The following NAALADL2 variants were observed in gnomAD, a reference collection of about 807,000 sequenced individuals.
NAALADL2 encodes inactive N-acetylated-alpha-linked acidic dipeptidase-like protein 2.
NAALADL2 carries 76 observed loss-of-function variants against 87.2 expected under a neutral mutation model. The observed-to-expected ratio is 0.87, with a 90% CI of 0.72 to 1.05. NAALADL2 has a LOEUF of 1.05. NAALADL2 is among the 50% of genes least tolerant of loss of function. NAALADL2 has a pLI of 0.00. For synonymous variants in NAALADL2, 354 were observed against 331.0 expected, an observed-to-expected ratio of 1.07 and a Z score of -0.75; for missense variants, 1,089 against 945.8, an observed-to-expected ratio of 1.15 and a Z score of -1.99.
chr3:175,174,396 C>A (rs1355313930), intron 2 of NAALADL2, among the ~76,000 whole-genome samples: 1 of 152,020 alleles, frequency 6.6e-6, no homozygotes, highest in Non-Finnish European at 1.5e-5. Context: ...TATGTATTTG[C>A]AGCATTTTCA....
chr3:175,360,679 A>T (rs1329056760), intron 5 of NAALADL2, among the ~76,000 whole-genome samples: 1 of 151,920 alleles, frequency 6.6e-6, no homozygotes, highest in Non-Finnish European at 1.5e-5. Context: ...AAGGTTTTTT[A>T]GTTTGCAGTG....
chr3:175,062,687 T>G (rs1245468787), intron 1 of NAALADL2, among the ~76,000 whole-genome samples: 1 of 152,174 alleles, frequency 6.6e-6, no homozygotes, highest in Non-Finnish European at 1.5e-5. Context: ...TTCATTTGAT[T>G]TTATAAACTT....
chr3:175,632,816 A>G (rs996606962), intron 11 of NAALADL2, among the ~76,000 whole-genome samples: 5 of 152,122 alleles, frequency 3.3e-5, no homozygotes, highest in Non-Finnish European at 7.4e-5. Context: ...GTTGTAGTTC[A>G]GAAAGAAGTA....
intron 2 of NAALADL2, among the ~76,000 whole-genome samples, chr3:174,643,520 G>T (rs759988689): frequency 1.3e-5 from 2 of 151,982 alleles, no homozygotes; most frequent in African/African-American, 4.8e-5. Context: ...TGGGTGTGGT[G>T]GTGGGCGCCT....
At chr3:174,708,258 G>C (rs935478052) in intron 2 of NAALADL2, among the ~76,000 whole-genome samples, 11 of 152,094 alleles carry the variant, frequency 7.2e-5, no homozygotes, top group Non-Finnish European at 8.8e-5. Flanking sequence ...TGGGCATTTA[G>C]CTCATTTTAG....
intron 2 of NAALADL2, among the ~76,000 whole-genome samples, chr3:175,200,354 T>C (rs1739840604): frequency 6.6e-6 from 1 of 152,136 alleles, no homozygotes; most frequent in Non-Finnish European, 1.5e-5. Context: ...GTTAACTAAT[T>C]TCTCTCTCTC....
At position 174,821,426 on chromosome 3, in the gene NAALADL2, A is replaced by G. The variant is rs762681104; in HGVS notation, c.-9+83680A>G. On this transcript the variant is annotated intron_variant, in intron 3 of 3. Transcript: ENST00000434257. ...TGCTATTGTATTTATTAGCATTTAA[A>G]CAGAAACACTTGCTCCCTTCTTTAA... is the stretch of plus-strand genomic sequence containing the variant. Among the ~76,000 whole-genome samples the G allele has an allele frequency of 2.0e-5, 3 of 152,202 alleles. 1 individual carries two copies. Among genetic ancestry groups the G allele is most frequent in the Non-Finnish European group, 2.9e-5 (2 of 68,030 alleles).
chr3:174,749,828 T>C (rs1215466330), intron 3 of NAALADL2, among the ~76,000 whole-genome samples: 1 of 152,206 alleles, frequency 6.6e-6, no homozygotes, highest in African/African-American at 2.4e-5. Context: ...GCTTAAAATA[T>C]ATTTTCTGTC....
Position 175,803,098 on chromosome 3 carries a change from C to A in NAALADL2, c.2283C>A (p.Thr761=), listed in dbSNP as rs752665150. The A allele has an allele frequency of 4.1e-5, 66 of 1,612,252 alleles. No homozygotes were observed. Among genetic ancestry groups the A allele is most frequent in the Non-Finnish European group, 5.1e-5 (60 of 1,178,930 alleles). Residue 761 remains threonine, a synonymous_variant, in exon 14 of 14, where the codon ACC becomes ACA. Coordinates refer to ENST00000454872, the MANE Select transcript of NAALADL2 (RefSeq NM_207015.3). ...EHCKPLASNE[T]LQEALSEVLN... is the part of the protein sequence containing the mutation. ...GCAAACCCCTTGCATCAAATGAGAC[C>A]CTTCAAGAAGCCCTGTCAGAGGTGT...
At position 175,481,516 on chromosome 3, in the gene NAALADL2, G is replaced by A. The variant is rs1001034947; in HGVS notation, c.1653+9758G>A. Among the ~76,000 whole-genome samples the A allele has an allele frequency of 5.3e-5, 8 of 151,674 alleles. No homozygotes were observed. In the East Asian group the frequency reaches 5.8e-4, roughly 11 times the overall value. ...TTCACTCGTGCTGGTGTAAAATGGC[G>A]CCATCCCTTGAAAAAATGGTTTGAC... On this transcript the variant is annotated intron_variant, in intron 9 of 13. Coordinates refer to ENST00000454872, the MANE Select transcript of NAALADL2 (RefSeq NM_207015.3).
chr3:174,615,609 A>G (rs571572), intron 2 of NAALADL2, among the ~76,000 whole-genome samples: 29,378 of 151,938 alleles, frequency 0.19, 3,645 homozygotes, highest in African/African-American at 0.35. Context: ...TTAGGGATCT[A>G]TATCATTGAT....
At chr3:175,585,782 G>A (rs1720461755) in intron 10 of NAALADL2, among the ~76,000 whole-genome samples, 1 of 151,698 alleles carries the variant, frequency 6.6e-6, no homozygotes, top group Non-Finnish European at 1.5e-5. Context: ...TTCATTCCTT[G>A]GTAATTGTCC....
At chr3:175,210,456 A>G (rs1394351327) in intron 2 of NAALADL2, among the ~76,000 whole-genome samples, 2 of 151,886 alleles carry the variant, frequency 1.3e-5, no homozygotes, top group African/African-American at 2.4e-5. Flanking sequence ...TTGTGTATGT[A>G]CATGTTTATG....
chr3:174,524,360 G>A (rs953070583), intron 1 of NAALADL2, among the ~76,000 whole-genome samples: 4 of 152,092 alleles, frequency 2.6e-5, no homozygotes, highest in African/African-American at 9.7e-5. Flanking sequence ...GATGAGAGTG[G>A]GGTGGCGGGT....
intron 2 of NAALADL2, among the ~76,000 whole-genome samples, chr3:174,660,544 C>T (rs1373222355): frequency 2.0e-5 from 3 of 151,918 alleles, no homozygotes; most frequent in Admixed American, 1.3e-4. Context: ...TCTCGCGTCC[C>T]GTTTTCATAT....
chr3:175,789,924 A>T (rs973618555), intron 13 of NAALADL2, among the ~76,000 whole-genome samples: 2 of 152,192 alleles, frequency 1.3e-5, no homozygotes, highest in Non-Finnish European at 2.9e-5. Flanking sequence ...GTATAATTTA[A>T]TAAATTAATA....
At chr3:174,892,428 T>C (rs1730967731) in intron 1 of NAALADL2, among the ~76,000 whole-genome samples, 1 of 151,892 alleles carries the variant, frequency 6.6e-6, no homozygotes, top group South Asian at 2.1e-4. Flanking sequence ...TATTTGAAAA[T>C]ATACTGTCAG....
At chr3:174,553,779 G>A (rs1712430550) in intron 2 of NAALADL2, among the ~76,000 whole-genome samples, 1 of 152,186 alleles carries the variant, frequency 6.6e-6, no homozygotes, top group South Asian at 2.1e-4. Context: ...GTGGTTTGGA[G>A]TTAGAGTCGT....
At chr3:175,291,334 A>G (rs1422313582) in intron 4 of NAALADL2, among the ~76,000 whole-genome samples, 1 of 152,084 alleles carries the variant, frequency 6.6e-6, no homozygotes, top group Non-Finnish European at 1.5e-5. Context: ...GACTTTTCCA[A>G]TTTGCTATGC....
Sources: allele counts gnomAD v4.1 joint callset (sites outside exome capture counted in the v4.1 genomes callset), GRCh38; gene constraint gnomAD v4.1.1; transcripts MANE v1.5; gene names NCBI Gene and HGNC (gene_info 2026-07-23, HGNC 2026-07-21).